The following CSMD1 variants were observed in gnomAD, a reference collection of about 807,000 sequenced individuals.
CSMD1 encodes CUB and sushi domain-containing protein 1.
Under a neutral mutation model 417.5 loss-of-function variants are expected in CSMD1, and 213 were observed. That is an observed-to-expected ratio of 0.51 (90% CI 0.46 to 0.57). CSMD1 has a LOEUF of 0.57. Among genes scored for constraint, CSMD1 ranks in the 20% least tolerant of loss-of-function variants. The pLI is 0.00. For synonymous variants in CSMD1, 2,862 were observed against 1,736.8 expected (o/e 1.65, Z -16.11); for missense variants, 6,923 against 4,529.7 (o/e 1.53, Z -15.17).
At chr8:4,877,357 C>T (rs1432025009) in intron 1 of CSMD1, among the ~76,000 whole-genome samples, 1 of 152,002 alleles carries the variant, frequency 6.6e-6, no homozygotes, top group Non-Finnish European at 1.5e-5. Flanking sequence ...TGTTATTTTA[C>T]ATTTCTGTTT....
intron 1 of CSMD1, among the ~76,000 whole-genome samples, chr8:4,771,593 T>C (rs987063445): frequency 1.3e-5 from 2 of 152,216 alleles, no homozygotes; most frequent in African/African-American, 4.8e-5. Context: ...TGTTGAAATA[T>C]TGAGTAATTA....
chr8:3,254,880 C>A (rs746581351), intron 26 of CSMD1, among the ~76,000 whole-genome samples: 1 of 152,178 alleles, frequency 6.6e-6, no homozygotes, highest in Non-Finnish European at 1.5e-5. Flanking sequence ...TTGTCAAAGT[C>A]ATTCTCCATC....
chr8:3,807,791 A>G (rs368048484), intron 5 of CSMD1, among the ~76,000 whole-genome samples: 40 of 152,298 alleles, frequency 2.6e-4, no homozygotes, highest in African/African-American at 8.9e-4. Context: ...CTAGATTGTC[A>G]TTCAGGCAGA....
intron 3 of CSMD1, among the ~76,000 whole-genome samples, chr8:4,230,328 C>G (rs1270147540): frequency 6.6e-6 from 1 of 152,134 alleles, no homozygotes; most frequent in East Asian, 1.9e-4. Flanking sequence ...TTAATCCATC[C>G]ATTGCATAAA....
intron 3 of CSMD1, among the ~76,000 whole-genome samples, chr8:4,141,930 G>A (rs1283428441): frequency 6.6e-6 from 1 of 150,928 alleles, no homozygotes; most frequent in East Asian, 1.9e-4. Flanking sequence ...TATTTGCTAT[G>A]CTATCCAAAA....
At chr8:4,785,292 T>G (rs78563128) in intron 1 of CSMD1, among the ~76,000 whole-genome samples, 3 of 152,094 alleles carry the variant, frequency 2.0e-5, no homozygotes, top group African/African-American at 7.2e-5. Flanking sequence ...ATGGGGCACA[T>G]TGGGCAAGTT....
chr8:3,226,581 CAAAA>C (rs35840582), intron 27 of CSMD1, among the ~76,000 whole-genome samples: 5 of 67,718 alleles, frequency 7.4e-5, no homozygotes, highest in Admixed American at 1.6e-4. Context: ...GACTCTGTCT[CAAAA>C]AAAAAAAAAA....
chr8:3,763,205 G>C (rs1335445362), intron 5 of CSMD1, among the ~76,000 whole-genome samples: 1 of 152,148 alleles, frequency 6.6e-6, no homozygotes, highest in African/African-American at 2.4e-5. Context: ...TCATAAAGTA[G>C]AAATGACTAT....
intron 12 of CSMD1, among the ~76,000 whole-genome samples, chr8:3,436,152 T>C (rs576254092): frequency 6.6e-6 from 1 of 152,234 alleles, no homozygotes; most frequent in South Asian, 2.1e-4. Context: ...CTTTATTGAA[T>C]TTATTACCAC....
rs1302095772 is a variant in CSMD1, at chr8:3,101,486, G to A, written c.6950-4449C>T. 9.2e-5 allele frequency among the ~76,000 whole-genome samples: 14 copies of A among 152,188 alleles called. No homozygotes were observed. The East Asian group carries it at 2.1e-3, about 23-fold the overall frequency. ...CGCCCAGGCTGGAGTGCAATGACAC[G>A]ATCTCAGCTCACTGCAAGCTCCACC... is the stretch of plus-strand genomic sequence containing the variant. On this transcript the variant is annotated intron_variant, in intron 46 of 69. Transcript: ENST00000635120.
At chr8:3,669,005 T>C (rs532615818) in intron 7 of CSMD1, among the ~76,000 whole-genome samples, 2 of 152,238 alleles carry the variant, frequency 1.3e-5, no homozygotes, top group South Asian at 2.1e-4. Flanking sequence ...ACTGGAAATC[T>C]TTCATTAAAC....
intron 2 of CSMD1, among the ~76,000 whole-genome samples, chr8:4,625,581 A>C (rs1802050506): frequency 6.6e-6 from 1 of 152,080 alleles, no homozygotes; most frequent in South Asian, 2.1e-4. Flanking sequence ...GCTCTCCTGT[A>C]TACACGAGCA....
chr8:4,503,411 A>C (rs1357234491), intron 2 of CSMD1, among the ~76,000 whole-genome samples: 1 of 152,182 alleles, frequency 6.6e-6, no homozygotes, highest in African/African-American at 2.4e-5. Context: ...CTAATAAAAT[A>C]AGTCGAGAAA....
intron 1 of CSMD1, among the ~76,000 whole-genome samples, chr8:4,749,998 A>AC (rs1372026728): frequency 6.6e-5 from 10 of 151,760 alleles, no homozygotes; most frequent in African/African-American, 2.4e-4. Flanking sequence ...TAATTGAAAA[A>AC]AAAATAATAA....
intron 5 of CSMD1, among the ~76,000 whole-genome samples, chr8:3,926,382 G>A (rs75373029): frequency 6.7e-6 from 1 of 149,448 alleles, no homozygotes; most frequent in South Asian, 2.1e-4. Context: ...AAACAGGAGG[G>A]CAGTAAGATT....
In CSMD1 at chr8:4,967,559, T is replaced by A. The variant is rs1380836580; in HGVS notation, c.85+26773A>T. On this transcript the variant is annotated intron_variant, in intron 1 of 69. Transcript: ENST00000635120. Reference sequence around the variant, plus strand: ...AGCCAATATTTTCCCCCATGCAAATTTGGAAATTCTTATTAACTATTTTTA... The same window carrying A: ...AGCCAATATTTTCCCCCATGCAAATATGGAAATTCTTATTAACTATTTTTA... 2.6e-5 allele frequency among the ~76,000 whole-genome samples: 4 copies of A among 152,272 alleles called. No homozygotes were observed. The East Asian group carries it at 7.7e-4, about 29-fold the overall frequency.
intron 1 of CSMD1, among the ~76,000 whole-genome samples, chr8:4,932,997 C>T (rs1415160109): frequency 6.6e-6 from 1 of 152,148 alleles, no homozygotes; most frequent in Admixed American, 6.5e-5. Context: ...AAGAAACTTA[C>T]AATAAACATT....
At chr8:3,440,250 G>C (rs1272171584) in intron 12 of CSMD1, among the ~76,000 whole-genome samples, 1 of 152,044 alleles carries the variant, frequency 6.6e-6, no homozygotes, top group Non-Finnish European at 1.5e-5. Context: ...GGAGATTTGA[G>C]ATCTTTACTC....
intron 3 of CSMD1, among the ~76,000 whole-genome samples, chr8:4,298,911 T>C (rs1797830521): frequency 6.6e-6 from 1 of 152,102 alleles, no homozygotes; most frequent in Non-Finnish European, 1.5e-5. Context: ...TATATATGTA[T>C]ATATACACAC....
Sources: allele counts gnomAD v4.1 joint callset (sites outside exome capture counted in the v4.1 genomes callset), GRCh38; gene constraint gnomAD v4.1.1; transcripts MANE v1.5; gene names NCBI Gene and HGNC (gene_info 2026-07-23, HGNC 2026-07-21).